Variants in GALNT11 observed in about 807,000 individuals in gnomAD.
GALNT11 encodes polypeptide N-acetylgalactosaminyltransferase 11.
GALNT11 carries 47 observed loss-of-function variants against 72.7 expected under a neutral mutation model. That is an observed-to-expected ratio of 0.65 (90% CI 0.51 to 0.82). GALNT11 has a LOEUF of 0.82. Among genes scored for constraint, GALNT11 ranks in the 40% least tolerant of loss-of-function variants. The probability of loss-of-function intolerance (pLI) is 0.00; values close to 1 mark genes in which losing one functional copy is unlikely to be tolerated. For synonymous variants in GALNT11, 270 were observed against 286.6 expected (o/e 0.94, Z 0.58); for missense variants, 677 against 778.4 (o/e 0.87, Z 1.55).
chr7:152,113,228 G>A lies in GALNT11; in HGVS notation c.1081-18G>A. 1.3e-6 allele frequency: 2 copies of A among 1,597,930 alleles called. No individual in the cohort carries two copies. Among genetic ancestry groups the A allele is most frequent in the African/African-American group, 1.3e-5 (1 of 74,244 alleles). ...CAACATGAGGCAACTGTTAACACCT[G>A]TTTTTGCTTCTGGCCAGATCTGGAT... On this transcript the variant is annotated intron_variant, in intron 7 of 11. Transcript: ENST00000430044.
chr7:152,053,833 G>T (rs2083515635), intron 1 of GALNT11, among the ~76,000 whole-genome samples: 1 of 152,116 alleles, frequency 6.6e-6, no homozygotes, highest in African/African-American at 2.4e-5. Flanking sequence ...CCTTTTGTCT[G>T]CACAAAAATA....
intron 1 of GALNT11, among the ~76,000 whole-genome samples, chr7:152,039,470 T>A (rs1005327499): frequency 2.0e-5 from 3 of 152,318 alleles, no homozygotes; most frequent in African/African-American, 7.2e-5. Flanking sequence ...TCAGCCCTTG[T>A]TGAAGGCAGT....
chr7:152,088,202 G>A (rs1048841542), intron 1 of GALNT11, among the ~76,000 whole-genome samples: 10 of 152,114 alleles, frequency 6.6e-5, no homozygotes, highest in African/African-American at 2.4e-4. Flanking sequence ...AGTGATTATA[G>A]GAACCTTTGT....
intron 1 of GALNT11, among the ~76,000 whole-genome samples, chr7:152,053,660 G>A (rs974372350): frequency 1.3e-5 from 2 of 151,970 alleles, no homozygotes; most frequent in South Asian, 2.1e-4. Context: ...AATGTGTAAC[G>A]GTTTCCGAGG....
chr7:152,095,224 T>G (rs2086296877), intron 2 of GALNT11, among the ~76,000 whole-genome samples: 1 of 152,154 alleles, frequency 6.6e-6, no homozygotes, highest in African/African-American at 2.4e-5. Context: ...CTCTTCAACT[T>G]GGATGCAAGA....
Position 152,094,433 on chromosome 7 carries a change from C to T in GALNT11, c.206C>T (p.Pro69Leu), listed in dbSNP as rs1262566860. 6.2e-7 allele frequency: 1 copy of T among 1,614,152 alleles called. No homozygotes were observed. The highest frequency in any genetic ancestry group is 1.7e-5 in the Admixed American group (1 of 60,024). ...CGAGGCCCAAGTCGAGTGCTCGAGC[C>T]ACAGTTCAAAGCAAACAAAATTGAC... ...FTRGPSRVLE[P>L]QFKANKIDDV... Residue 69 changes from proline (P) to leucine (L), a missense_variant, in exon 2 of 12, where the codon CCA becomes CTA. Pro to Leu is a moderately conservative substitution (Grantham distance 98). Transcript: ENST00000430044. The surrounding 1 kb of genome is among the most constrained non-coding windows in gnomAD (Gnocchi z 4.3).
At chr7:152,055,845 T>G (rs190356067) in intron 1 of GALNT11, among the ~76,000 whole-genome samples, 1 of 152,096 alleles carries the variant, frequency 6.6e-6, no homozygotes, top group Non-Finnish European at 1.5e-5. Context: ...AATTGTAGAT[T>G]CACATGTAAT....
intron 1 of GALNT11, among the ~76,000 whole-genome samples, chr7:152,027,188 G>A (rs2082062236): frequency 6.6e-6 from 1 of 152,204 alleles, no homozygotes; most frequent in Admixed American, 6.5e-5. Context: ...GGCAGAGCTT[G>A]CAGTGAGCCG....
intron 1 of GALNT11, among the ~76,000 whole-genome samples, chr7:152,083,135 T>C (rs1486333291): frequency 6.6e-6 from 1 of 152,232 alleles, no homozygotes; most frequent in Non-Finnish European, 1.5e-5. Flanking sequence ...ACTTGTCTTT[T>C]TACTTTTCTT....
At chr7:152,052,492 A>G (rs111918323) in intron 1 of GALNT11, among the ~76,000 whole-genome samples, 24 of 152,298 alleles carry the variant, frequency 1.6e-4, no homozygotes, top group African/African-American at 4.8e-4. Flanking sequence ...GGAACTGACA[A>G]ACTCTTCTTC....
At chr7:152,085,604 A>T (rs10257467) in intron 1 of GALNT11, among the ~76,000 whole-genome samples, 5,122 of 151,826 alleles carry the variant, frequency 0.034, 287 homozygotes, top group African/African-American at 0.12. Context: ...TGTAGATTAA[A>T]GTTTTAGCTT....
intron 1 of GALNT11, among the ~76,000 whole-genome samples, chr7:152,040,600 G>T (rs573702553): frequency 6.6e-6 from 1 of 152,122 alleles, no homozygotes. Context: ...ATGTAAAAAG[G>T]GTGCATTCTA....
intron 9 of GALNT11, 148 bp downstream of exon 9, chr7:152,117,523 G>A: frequency 1.3e-6 from 1 of 763,134 alleles, no homozygotes; most frequent in Middle Eastern, 2.4e-4. Flanking sequence ...TTCTCTTTAT[G>A]GGAACTTCTC....
intron 1 of GALNT11, among the ~76,000 whole-genome samples, chr7:152,051,213 T>TTG (rs2083385978): frequency 6.7e-6 from 1 of 148,348 alleles, no homozygotes; most frequent in Non-Finnish European, 1.5e-5. Flanking sequence ...TTTTTTTTTT[T>TTG]TTTTTTTTTT....
At chr7:152,107,948 CTG>C (rs2087766592) in intron 5 of GALNT11, 88 bp from the exon 6 acceptor site, 1 of 1,456,608 alleles carries the variant, frequency 6.9e-7, no homozygotes, top group South Asian at 1.3e-5. Flanking sequence ...GTGTTTCATG[CTG>C]TGTCAGCGCG....
chr7:152,032,318 T>G (rs2082340733), intron 1 of GALNT11, among the ~76,000 whole-genome samples: 1 of 152,126 alleles, frequency 6.6e-6, no homozygotes, highest in South Asian at 2.1e-4. Flanking sequence ...AAAGAGAAAC[T>G]GGGAGTCATG....
intron 10 of GALNT11, 143 bp from the exon 11 acceptor site, chr7:152,120,688 T>C: frequency 2.8e-6 from 2 of 711,104 alleles, no homozygotes; most frequent in Admixed American, 2.7e-5. Flanking sequence ...ATGAACCAAG[T>C]TGAAATCTGC....
chr7:152,043,092 T>C (rs2082943590), intron 1 of GALNT11, among the ~76,000 whole-genome samples: 1 of 152,226 alleles, frequency 6.6e-6, no homozygotes, highest in Admixed American at 6.5e-5. Flanking sequence ...TAATTTCACT[T>C]TTCCCCATTT....
chr7:152,056,329 T>C (rs575762164), intron 1 of GALNT11, among the ~76,000 whole-genome samples: 11 of 152,362 alleles, frequency 7.2e-5, no homozygotes, highest in African/African-American at 2.4e-4. Flanking sequence ...TGGATGTTAA[T>C]AGGATCTCGC....
Sources: allele counts gnomAD v4.1 joint callset (sites outside exome capture counted in the v4.1 genomes callset), GRCh38; gene constraint gnomAD v4.1.1; non-coding constraint Gnocchi (gnomAD v3.1); transcripts MANE v1.5; gene names NCBI Gene and HGNC (gene_info 2026-07-23, HGNC 2026-07-21).